SYNE1: variants seen among roughly 807,000 people sequenced by gnomAD.
SYNE1 encodes the protein nesprin-1.
SYNE1 carries 616 observed loss-of-function variants against 1,111.0 expected under a neutral mutation model. The observed-to-expected ratio is 0.55, with a 90% confidence interval of 0.52 to 0.59. The LOEUF is 0.59. Among genes scored for constraint, SYNE1 ranks in the 20% least tolerant of loss-of-function variants. The pLI, the probability that SYNE1 is intolerant of heterozygous loss-of-function variation, is 0.00. For synonymous variants in SYNE1, 3,855 were observed against 3,825.8 expected, an observed-to-expected ratio of 1.01 and a Z score of -0.28; for missense variants, 10,006 against 10,417.0, an observed-to-expected ratio of 0.96 and a Z score of 1.72.
At chr6:152,563,879 C>A (rs578181663) in intron 3 of SYNE1, among the ~76,000 whole-genome samples, 1 of 152,298 alleles carries the variant, frequency 6.6e-6, no homozygotes, top group South Asian at 2.1e-4. Context: ...GCAAAACACT[C>A]ATTACAAATT....
At position 152,176,488 on chromosome 6, in the gene SYNE1, T is replaced by C. The variant is rs770196925; in HGVS notation, c.23533A>G (p.Lys7845Glu). Residue 7845 changes from lysine (K) to glutamate (E), a missense_variant, in exon 130 of 146, where the codon AAA (lysine) becomes GAA (glutamate). Transcript: ENST00000367255. ...QLQQMGERLA[K>E]ASHESKASEI... The stretch of plus-strand genomic sequence containing the variant: ...GATGCTTTGCTTTCATGGCTGGCTT[T>C]AGCAAGTCGTTCTCCCATTTGTTGG... The C allele has an allele frequency of 6.2e-7, 1 of 1,614,208 alleles. No individual in the cohort carries two copies. Among genetic ancestry groups the C allele is most frequent in the South Asian group, 1.1e-5 (1 of 91,084 alleles).
chr6:152,168,240 CA>C lies in SYNE1; in HGVS notation c.23628-3916del, dbSNP rs749472673. 4.1e-6 allele frequency: 3 copies of C among 724,250 alleles called. No individual in the cohort carries two copies. In the African/African-American group the frequency reaches 5.2e-5, roughly 13 times the overall value. 44.9% of individuals were successfully genotyped at this position (724,250 alleles called of 1,614,324 possible). A position where few individuals can be genotyped will look rare whatever the true frequency, so the allele number is the denominator to read the frequency against. ...CTTGCAAAAGTTAGACTCTGCAGAG[CA>C]AAAAGCTATATCCTGCGTGGGGATG... is the stretch of plus-strand genomic sequence containing the variant. On this transcript the variant is annotated intron_variant, in intron 130 of 145. Transcript: ENST00000367255.
At chr6:152,517,906 G>C (rs2099120185) in intron 6 of SYNE1, among the ~76,000 whole-genome samples, 1 of 151,876 alleles carries the variant, frequency 6.6e-6, no homozygotes, top group Admixed American at 6.6e-5. Context: ...AAAGGAGTTT[G>C]ACTTCTTTAA....
chr6:152,577,371 A>C (rs2099500944), intron 3 of SYNE1, among the ~76,000 whole-genome samples: 1 of 152,180 alleles, frequency 6.6e-6, no homozygotes. Context: ...GGTGGCTCGC[A>C]CCTGTAATCC....
intron 66 of SYNE1, among the ~76,000 whole-genome samples, chr6:152,355,973 A>G (rs2096829836): frequency 6.6e-6 from 1 of 152,240 alleles, no homozygotes; most frequent in Non-Finnish European, 1.5e-5. Context: ...TGCACATGGA[A>G]GGAGAAGAAC....
At chr6:152,404,990 C>A (rs1316178160) in intron 45 of SYNE1, 1 of 152,280 alleles carries the variant, frequency 6.6e-6, no homozygotes, top group East Asian at 1.9e-4. Context: ...GCTTTGTGGA[C>A]ACTAGCAAAC....
intron 3 of SYNE1, among the ~76,000 whole-genome samples, chr6:152,586,999 A>G (rs2099541747): frequency 6.6e-6 from 1 of 152,036 alleles, no homozygotes; most frequent in South Asian, 2.1e-4. Flanking sequence ...CACATCTACA[A>G]TGGCTTCCCA....
intron 123 of SYNE1, 125 bp downstream of exon 123, chr6:152,213,487 A>G: frequency 1.8e-6 from 2 of 1,084,128 alleles, no homozygotes; most frequent in South Asian, 2.6e-5. Context: ...AAGAAGGCAA[A>G]ATGATGCATG....
intron 3 of SYNE1, among the ~76,000 whole-genome samples, chr6:152,579,847 A>G (rs1205213183): frequency 6.6e-6 from 1 of 152,156 alleles, no homozygotes; most frequent in African/African-American, 2.4e-5. Context: ...TGTAAATAAC[A>G]TGATTTCATT....
In SYNE1 at chr6:152,505,343, G is replaced by A. The variant is rs555703915; in HGVS notation, c.636C>T (p.Ala212=). The A allele has an allele frequency of 6.2e-7, 1 of 1,613,982 alleles. No individual in the cohort carries two copies. The highest frequency in any genetic ancestry group is 1.3e-5 in the African/African-American group (1 of 74,992). ...DFGKSWRSGV[A]FHSVIHAIRP... is the part of the protein sequence containing the mutation. ...GAATGGCATGAATAACTGAATGAAAGGCAACCCCGCTTCTCCAACTCTTCC... is the reference window on the plus strand; with the variant it reads ...GAATGGCATGAATAACTGAATGAAAAGCAACCCCGCTTCTCCAACTCTTCC... Residue 212 remains alanine, a synonymous_variant, in exon 9 of 146, where the codon GCC becomes GCT. Transcript: ENST00000367255.
chr6:152,311,919 G>A (rs1261781477), intron 87 of SYNE1, among the ~76,000 whole-genome samples: 3 of 152,044 alleles, frequency 2.0e-5, no homozygotes, highest in Non-Finnish European at 2.9e-5. Context: ...GGGACTACAC[G>A]CACCCAGGTG....
intron 3 of SYNE1, among the ~76,000 whole-genome samples, chr6:152,557,684 A>C (rs912749328): frequency 2.0e-5 from 3 of 152,150 alleles, no homozygotes; most frequent in African/African-American, 7.2e-5. Context: ...GTGGGGGAAA[A>C]ATACTGTCAA....
Position 152,154,991 on chromosome 6 carries a change from A to G in SYNE1, c.24030T>C (p.Arg8010=), listed in dbSNP as rs1180828429. ...LWQKFLDDYS[R]FEDWLKSSER... ...CTGAAGACTTCAGCCAATCTTCAAA[A>G]CGTGAATAGTCATCCAGAAATTTCT... Residue 8010 remains arginine, a synonymous_variant, in exon 133 of 146, where the codon CGT becomes CGC. Coordinates refer to ENST00000367255, the MANE Select transcript of SYNE1 (RefSeq NM_182961.4). 2 of 1,614,064 alleles carry G rather than the reference A, an allele frequency of 1.2e-6. No homozygotes were observed. Among genetic ancestry groups the G allele is most frequent in the Non-Finnish European group, 1.7e-6 (2 of 1,180,024 alleles).
intron 127 of SYNE1, among the ~76,000 whole-genome samples, chr6:152,190,077 A>G (rs2071780929): frequency 6.6e-6 from 1 of 152,184 alleles, no homozygotes; most frequent in African/African-American, 2.4e-5. Context: ...AACAATATCC[A>G]CAGAATTTTT....
chr6:152,441,936 G>C, intron 31 of SYNE1, 139 bp downstream of exon 31: 2 of 1,028,810 alleles, frequency 1.9e-6, no homozygotes, highest in South Asian at 1.3e-5. Flanking sequence ...ATGATTAAAA[G>C]ATGGTTCATG....
chr6:152,130,056 GTGA>G (rs2055027309), intron 145 of SYNE1, among the ~76,000 whole-genome samples: 1 of 152,178 alleles, frequency 6.6e-6, no homozygotes, highest in South Asian at 2.1e-4. Context: ...AGTGGCAGCT[GTGA>G]GTCGGCTCTC....
At position 152,168,061 on chromosome 6, in the gene SYNE1, C is replaced by T. The variant is rs756931052; in HGVS notation, c.23628-3736G>A. The T allele has an allele frequency of 2.3e-5, 18 of 780,700 alleles. No homozygotes were observed. In the Admixed American group the frequency reaches 3.1e-4, roughly 13 times the overall value. 48.4% of individuals were successfully genotyped at this position (780,700 alleles called of 1,614,324 possible). On this transcript the variant is annotated intron_variant, in intron 130 of 145. Transcript: ENST00000367255. ...GCTTCCAGCGTCTATCCTACAAACC[C>T]CACGTAACATGAAAGCTATGTACAA...
In SYNE1 at chr6:152,309,886, T is replaced by G. The variant is rs2095496498; in HGVS notation, c.17151A>C (p.Glu5717Asp). The change falls in exon 90 of 146, where the codon GAA becomes GAC. Residue 5717 changes from glutamate (E) to aspartate (D), a missense_variant. Coordinates refer to ENST00000367255, the MANE Select transcript of SYNE1 (RefSeq NM_182961.4). ...PLCHAALRLQ[E>D]EASRLQHTAI... ...CGGTGTGCTGCAGCCGGCTGGCCTC[T>G]TCCTGCAGCCGCAGAGCAGCATGAC... is the stretch of plus-strand genomic sequence containing the variant. 1 of 1,614,022 alleles carries G rather than the reference T, an allele frequency of 6.2e-7. No individual in the cohort carries two copies. Among genetic ancestry groups the G allele is most frequent in the Non-Finnish European group, 8.5e-7 (1 of 1,180,054 alleles).
chr6:152,230,654 T>C lies in SYNE1; in HGVS notation c.21088A>G (p.Asn7030Asp). The C allele has an allele frequency of 6.2e-7, 1 of 1,614,072 alleles. No individual in the cohort carries two copies. Among genetic ancestry groups the C allele is most frequent in the Non-Finnish European group, 8.5e-7 (1 of 1,179,966 alleles). ...AACCATGTTTTCAGACATTGTACAT[T>C]ATTTTCATATTCTGACCAAGATTCC... ...LLESWSEYEN[N>D]VQCLKTWFET... is the part of the protein sequence containing the mutation. Residue 7030 changes from asparagine to aspartate, a missense_variant, in exon 115 of 146, where the codon AAT becomes GAT. Asn to Asp is a conservative substitution (Grantham distance 23, BLOSUM62 1). Around this residue, in one of 7 missense-constraint regions of SYNE1, gnomAD observed 2,182 missense variants for 2,287.8 expected, o/e 0.95. Coordinates refer to ENST00000367255, the MANE Select transcript of SYNE1 (RefSeq NM_182961.4).
Sources: allele counts gnomAD v4.1 joint callset (sites outside exome capture counted in the v4.1 genomes callset), GRCh38; gene constraint gnomAD v4.1.1; regional missense constraint gnomAD v4.1.1; transcripts MANE v1.5; gene names NCBI Gene and HGNC (gene_info 2026-07-23, HGNC 2026-07-21).